KCNK13: variants seen among roughly 807,000 people sequenced by gnomAD.
The protein encoded by KCNK13 is potassium two pore domain channel subfamily K member 13.
A neutral mutation model predicts 23.4 loss-of-function variants in KCNK13; 12 were observed. That is an observed-to-expected ratio of 0.51 (90% CI 0.33 to 0.83). The LOEUF (loss-of-function observed/expected upper bound fraction) is 0.83, where lower values mean the gene tolerates loss of function less well. Among genes scored for constraint, KCNK13 ranks in the 40% least tolerant of loss-of-function variants. KCNK13 has a pLI of 0.02. For synonymous variants in KCNK13, 231 were observed against 229.5 expected, an observed-to-expected ratio of 1.01 and a Z score of -0.06; for missense variants, 463 against 556.3, an observed-to-expected ratio of 0.83 and a Z score of 1.69.
At chr14:90,151,450 G>C (rs1195355992) in intron 1 of KCNK13, among the ~76,000 whole-genome samples, 1 of 152,106 alleles carries the variant, frequency 6.6e-6, no homozygotes, top group Non-Finnish European at 1.5e-5. Context: ...AGAAATGTCT[G>C]TTCAGGTCCT....
At chr14:90,157,135 A>G (rs1266794577) in intron 1 of KCNK13, among the ~76,000 whole-genome samples, 1 of 152,236 alleles carries the variant, frequency 6.6e-6, no homozygotes, top group East Asian at 1.9e-4. Context: ...AGAATCTGAA[A>G]TGCCATCTGG....
At chr14:90,137,567 C>A (rs942834567) in intron 1 of KCNK13, among the ~76,000 whole-genome samples, 3 of 152,104 alleles carry the variant, frequency 2.0e-5, no homozygotes, top group African/African-American at 7.2e-5. Context: ...GTGATCCACC[C>A]ACCTCGGCCT....
intron 1 of KCNK13, among the ~76,000 whole-genome samples, chr14:90,112,759 G>A (rs1476518532): frequency 6.6e-6 from 1 of 151,984 alleles, no homozygotes; most frequent in Non-Finnish European, 1.5e-5. Flanking sequence ...TGCAGAATTT[G>A]ACTCAGGAAA....
intron 1 of KCNK13, among the ~76,000 whole-genome samples, chr14:90,092,112 T>C (rs189264198): frequency 0.011 from 1,607 of 152,084 alleles, 22 homozygotes; most frequent in African/African-American, 0.032. Context: ...TTAGTAGAGA[T>C]GGGGTTTCAC....
chr14:90,064,681 G>T (rs1888987528), intron 1 of KCNK13, among the ~76,000 whole-genome samples: 1 of 152,212 alleles, frequency 6.6e-6, no homozygotes, highest in Admixed American at 6.5e-5. Flanking sequence ...GCGTAAGCCT[G>T]CCCCTGTCAC....
intron 1 of KCNK13, among the ~76,000 whole-genome samples, chr14:90,179,931 CT>C (rs531750887): frequency 1.3e-4 from 20 of 152,206 alleles, no homozygotes; most frequent in Non-Finnish European, 1.5e-4. Context: ...CCTGCCCCCC[CT>C]CTCCGGTTTT....
chr14:90,152,512 G>A (rs1890145511), intron 1 of KCNK13, among the ~76,000 whole-genome samples: 1 of 151,992 alleles, frequency 6.6e-6, no homozygotes, highest in African/African-American at 2.4e-5. Context: ...TGCAGCCTGG[G>A]CAATAAGAGC....
chr14:90,138,723 C>G (rs1258189783), intron 1 of KCNK13, among the ~76,000 whole-genome samples: 2 of 152,230 alleles, frequency 1.3e-5, no homozygotes, highest in Non-Finnish European at 2.9e-5. Context: ...AGGCCCCCAG[C>G]TGAGGGGTAA....
chr14:90,135,997 C>A (rs1281072907), intron 1 of KCNK13, among the ~76,000 whole-genome samples: 1 of 152,052 alleles, frequency 6.6e-6, no homozygotes, highest in East Asian at 1.9e-4. Flanking sequence ...CCCAGCATCA[C>A]AACACAATGT....
At chr14:90,168,483 CACTTG>C (rs1163568131) in intron 1 of KCNK13, among the ~76,000 whole-genome samples, 1 of 152,164 alleles carries the variant, frequency 6.6e-6, no homozygotes, top group African/African-American at 2.4e-5. Context: ...TCCCCAGGCA[CACTTG>C]ACTTTTGTTG....
chr14:90,145,131 G>C (rs375646996), intron 1 of KCNK13, among the ~76,000 whole-genome samples: 15 of 152,200 alleles, frequency 9.9e-5, no homozygotes, highest in African/African-American at 3.6e-4. Flanking sequence ...AGAAAGGTGG[G>C]GCACAGTGGC....
chr14:90,126,812 G>C (rs1889807016), intron 1 of KCNK13, among the ~76,000 whole-genome samples: 1 of 152,124 alleles, frequency 6.6e-6, no homozygotes, highest in Non-Finnish European at 1.5e-5. Context: ...CAAAGTGCTA[G>C]GATTACAGGT....
chr14:90,070,838 GAGT>G (rs1889065344), intron 1 of KCNK13, among the ~76,000 whole-genome samples: 1 of 152,220 alleles, frequency 6.6e-6, no homozygotes, highest in African/African-American at 2.4e-5. Context: ...AAAACTGGAA[GAGT>G]AGCTGGTGAG....
At chr14:90,162,692 T>G (rs1293042592) in intron 1 of KCNK13, among the ~76,000 whole-genome samples, 3 of 152,202 alleles carry the variant, frequency 2.0e-5, no homozygotes, top group Non-Finnish European at 4.4e-5. Flanking sequence ...CATAAGTGAA[T>G]ACTGGAATAT....
At position 90,169,850 on chromosome 14, in the gene KCNK13, C is replaced by T. The variant is rs140718734; in HGVS notation, c.335-14261C>T. Among the ~76,000 whole-genome samples, 964 of 152,312 alleles carry T rather than the reference C, an allele frequency of 6.3e-3. 7 individuals carry two copies. Among genetic ancestry groups the T allele is most frequent in the African/African-American group, 0.022 (930 of 41,566 alleles). On this transcript the variant is annotated intron_variant, in intron 1 of 1. Coordinates refer to ENST00000282146, the MANE Select transcript of KCNK13 (RefSeq NM_022054.4). ...AATTTCTAACATTCTGTACTTTCTT[C>T]TTCTGCCGGGGGCAGAGATGATTTT...
intron 1 of KCNK13, among the ~76,000 whole-genome samples, chr14:90,179,538 C>G (rs1057259805): frequency 6.6e-6 from 1 of 152,136 alleles, no homozygotes; most frequent in Non-Finnish European, 1.5e-5. Flanking sequence ...CCAGAAATTA[C>G]AAGCACATTA....
chr14:90,098,000 C>G (rs975010651), intron 1 of KCNK13, among the ~76,000 whole-genome samples: 2 of 152,198 alleles, frequency 1.3e-5, no homozygotes, highest in Non-Finnish European at 2.9e-5. Context: ...CTCTCTCTCT[C>G]TCTCAGTGTT....
intron 1 of KCNK13, among the ~76,000 whole-genome samples, chr14:90,068,230 A>G (rs1383652339): frequency 6.6e-6 from 1 of 152,058 alleles, no homozygotes; most frequent in Non-Finnish European, 1.5e-5. Flanking sequence ...CCCTACTTCA[A>G]AGGGTCAGGG....
At chr14:90,160,358 A>T (rs901403107) in intron 1 of KCNK13, among the ~76,000 whole-genome samples, 4 of 152,310 alleles carry the variant, frequency 2.6e-5, no homozygotes, top group South Asian at 2.1e-4. Flanking sequence ...CCGAGTTTTC[A>T]TGAACAATTA....
Sources: allele counts gnomAD v4.1 joint callset (sites outside exome capture counted in the v4.1 genomes callset), GRCh38; gene constraint gnomAD v4.1.1; transcripts MANE v1.5; gene names NCBI Gene and HGNC (gene_info 2026-07-23, HGNC 2026-07-21).